BAZ2B: variants seen among roughly 807,000 people sequenced by gnomAD.
BAZ2B encodes the protein bromodomain adjacent to zinc finger domain 2B.
Under a neutral mutation model 246.0 loss-of-function variants are expected in BAZ2B, and 91 were observed. The ratio of observed to expected loss-of-function variants is 0.37; its 90% CI spans 0.31 to 0.44. BAZ2B has a LOEUF of 0.44. BAZ2B is among the 20% of genes least tolerant of loss of function. The pLI, the probability that BAZ2B is intolerant of heterozygous loss-of-function variation, is 1.00. For synonymous variants in BAZ2B, 855 were observed against 860.0 expected (o/e 0.99, Z 0.10); for missense variants, 2,332 against 2,533.7 (o/e 0.92, Z 1.71).
chr2:159,645,131 G>T, the BAZ2B span, among the ~76,000 whole-genome samples: 1 of 152,080 alleles, frequency 6.6e-6, no homozygotes, highest in African/African-American at 2.4e-5. Flanking sequence ...AATTAGCCAG[G>T]CATGGTGGCA....
chr2:159,356,819 T>C (rs1190508383), intron 27 of BAZ2B, among the ~76,000 whole-genome samples: 1 of 152,096 alleles, frequency 6.6e-6, no homozygotes, highest in African/African-American at 2.4e-5. Context: ...CCTCCGCTGG[T>C]GATAACAGGC....
chr2:159,522,280 T>C (rs1046831936), intron 2 of BAZ2B, among the ~76,000 whole-genome samples: 2 of 152,154 alleles, frequency 1.3e-5, no homozygotes, highest in African/African-American at 4.8e-5. Flanking sequence ...TTATATCCTT[T>C]TGAGTATAGG....
At chr2:159,661,504 T>C in the BAZ2B span, among the ~76,000 whole-genome samples, 1 of 152,234 alleles carries the variant, frequency 6.6e-6, no homozygotes, top group Non-Finnish European at 1.5e-5. Context: ...TTTAGCTTTT[T>C]AAGCTTTTTA....
chr2:159,387,211 A>G (rs1334499640), intron 21 of BAZ2B, among the ~76,000 whole-genome samples: 1 of 152,094 alleles, frequency 6.6e-6, no homozygotes, highest in Non-Finnish European at 1.5e-5. Flanking sequence ...TTATAATGCA[A>G]CTAAAGGTCT....
At chr2:159,657,277 C>T in the BAZ2B span, among the ~76,000 whole-genome samples, 2 of 152,100 alleles carry the variant, frequency 1.3e-5, no homozygotes, top group African/African-American at 4.8e-5. Flanking sequence ...GCTCTTTTGT[C>T]AAAGATCCAT....
intron 2 of BAZ2B, among the ~76,000 whole-genome samples, chr2:159,495,389 G>A (rs1200547015): frequency 1.4e-5 from 2 of 147,164 alleles, no homozygotes; most frequent in South Asian, 4.3e-4. Flanking sequence ...GGAGGCTGAG[G>A]CAGGAGAATG....
At chr2:159,694,680 C>T in the BAZ2B span, 1 of 152,190 alleles carries the variant, frequency 6.6e-6, no homozygotes, top group Non-Finnish European at 1.5e-5. Flanking sequence ...CTTTTTAAGG[C>T]TAAATAATAT....
chr2:159,404,852 C>T lies in BAZ2B; in HGVS notation c.2829G>A (p.Gln943=). 1.2e-6 allele frequency: 2 copies of T among 1,612,106 alleles called. No homozygotes were observed. Among genetic ancestry groups the T allele is most frequent in the Non-Finnish European group, 1.7e-6 (2 of 1,179,480 alleles). ...KQKEQIKIMK[Q]QEKIKRIQQI... ...CACTTCCAATGTATACACATACCTG[C>T]TGTTTCATAATCTTTATCTGTTCTT... Residue 943 remains glutamine, a synonymous_variant, in exon 16 of 37, where the codon CAG becomes CAA. Coordinates refer to ENST00000392783, the MANE Select transcript of BAZ2B (RefSeq NM_013450.4).
chr2:159,336,984 T>C lies in BAZ2B; in HGVS notation c.5754A>G (p.Gln1918=), dbSNP rs1280036883. 3 of 1,610,730 alleles carry C rather than the reference T, an allele frequency of 1.9e-6. No individual in the cohort carries two copies. The highest frequency in any genetic ancestry group is 2.5e-6 in the Non-Finnish European group (3 of 1,177,358). ...SAAQVALCIQ[Q]LQKSIAWEKS... ...TTTCCCATGCTATTGATTTCTGTAA[T>C]TGCTGAATGCACAGAGCTACCTGTG... The change falls in exon 33 of 37, where the codon CAA becomes CAG. Residue 1918 remains glutamine (Q), a synonymous_variant. Coordinates refer to ENST00000392783, the MANE Select transcript of BAZ2B (RefSeq NM_013450.4).
chr2:159,630,657 C>G, the BAZ2B span, among the ~76,000 whole-genome samples: 1 of 152,030 alleles, frequency 6.6e-6, no homozygotes, highest in East Asian at 1.9e-4. Flanking sequence ...CCTCAGCCTC[C>G]CGAGTAGCTG....
the BAZ2B span, among the ~76,000 whole-genome samples, chr2:159,708,750 A>AT: frequency 6.6e-6 from 1 of 151,612 alleles, no homozygotes; most frequent in African/African-American, 2.4e-5. Flanking sequence ...AATTTTTAAA[A>AT]TTTTTTTGTA....
chr2:159,631,358 A>C, the BAZ2B span, among the ~76,000 whole-genome samples: 2 of 152,236 alleles, frequency 1.3e-5, no homozygotes, highest in Non-Finnish European at 2.9e-5. Flanking sequence ...TCTTACTTGC[A>C]TACTGTAAAT....
the BAZ2B span, among the ~76,000 whole-genome samples, chr2:159,648,016 TA>T: frequency 1.3e-5 from 2 of 152,208 alleles, no homozygotes; most frequent in African/African-American, 4.8e-5. Context: ...AATGCATAAT[TA>T]GATCATTTTG....
At chr2:159,322,617 G>A (rs1189910071) in intron 36 of BAZ2B, among the ~76,000 whole-genome samples, 1 of 152,114 alleles carries the variant, frequency 6.6e-6, no homozygotes, top group Non-Finnish European at 1.5e-5. Context: ...GGAGAGTGGA[G>A]TCCAGGAGAG....
the BAZ2B span, among the ~76,000 whole-genome samples, chr2:159,708,895 G>C: frequency 2.0e-3 from 309 of 152,154 alleles, 1 homozygote; most frequent in African/African-American, 7.3e-3. Flanking sequence ...TTGGGGAATT[G>C]AAAGTTTTTG....
chr2:159,521,562 G>A (rs192848078), intron 2 of BAZ2B, among the ~76,000 whole-genome samples: 1 of 152,116 alleles, frequency 6.6e-6, no homozygotes, highest in Non-Finnish European at 1.5e-5. Context: ...AGACCTCAGT[G>A]TCATTTTCTT....
At chr2:159,704,863 C>T in the BAZ2B span, among the ~76,000 whole-genome samples, 10,112 of 152,078 alleles carry the variant, frequency 0.066, 435 homozygotes, top group Middle Eastern at 0.19. Context: ...CCACCACGCC[C>T]GGCTAATTTT....
chr2:159,429,639 T>G (rs1008736325), intron 10 of BAZ2B, among the ~76,000 whole-genome samples: 1 of 152,156 alleles, frequency 6.6e-6, no homozygotes, highest in African/African-American at 2.4e-5. Context: ...CTGAAAAATT[T>G]CAACAGCTGG....
chr2:159,529,481 T>C (rs1262805404), intron 2 of BAZ2B, among the ~76,000 whole-genome samples: 1 of 152,208 alleles, frequency 6.6e-6, no homozygotes, highest in African/African-American at 2.4e-5. Context: ...CTGTTTTCTT[T>C]GGAACAGTTC....
Sources: gnomAD v4.1 joint callset for allele counts (sites outside exome capture counted in the v4.1 genomes callset) on GRCh38, gnomAD v4.1.1 for gene constraint, MANE v1.5 for transcripts, NCBI Gene and HGNC (gene_info 2026-07-23, HGNC 2026-07-21) for gene names.